Variants in JPH3 observed in about 807,000 individuals in gnomAD.
The protein encoded by JPH3 is junctophilin-3.
A neutral mutation model predicts 59.6 loss-of-function variants in JPH3; 11 were observed. The ratio of observed to expected loss-of-function variants is 0.18; its 90% confidence interval spans 0.12 to 0.31. The LOEUF (loss-of-function observed/expected upper bound fraction) is 0.31. Ranked by LOEUF, JPH3 falls within the 10% of genes least tolerant of loss-of-function variation. JPH3 has a pLI of 1.00. For missense variants in JPH3, 1,202 were observed against 1,105.7 expected (o/e 1.09, Z -1.24); for synonymous variants, 673 against 483.6 (o/e 1.39, Z -5.14).
intron 2 of JPH3, among the ~76,000 whole-genome samples, chr16:87,667,557 G>A (rs1035487115): frequency 6.6e-6 from 1 of 152,164 alleles, no homozygotes; most frequent in East Asian, 1.9e-4. Flanking sequence ...GTGGGTTCAC[G>A]GGCACAGGAC....
chr16:87,647,723 C>T (rs749938585), intron 2 of JPH3, among the ~76,000 whole-genome samples: 8 of 152,220 alleles, frequency 5.3e-5, no homozygotes, highest in Non-Finnish European at 8.8e-5. Flanking sequence ...ACGGCCTCCT[C>T]ACCGCTGTGC....
chr16:87,629,575 G>T (rs1007368098), intron 1 of JPH3, among the ~76,000 whole-genome samples: 3 of 151,606 alleles, frequency 2.0e-5, no homozygotes, highest in Non-Finnish European at 2.9e-5. Context: ...TGCTCAGCGG[G>T]ATAAGCCCGT....
intron 1 of JPH3, among the ~76,000 whole-genome samples, chr16:87,615,825 G>T (rs975560509): frequency 3.3e-5 from 5 of 152,188 alleles, no homozygotes; most frequent in Non-Finnish European, 7.3e-5. Flanking sequence ...GGAGGCGAGT[G>T]GGGGAAGAGA....
chr16:87,678,900 G>C (rs1402545607), intron 2 of JPH3, among the ~76,000 whole-genome samples: 2 of 152,252 alleles, frequency 1.3e-5, no homozygotes, highest in Non-Finnish European at 2.9e-5. Flanking sequence ...GGATGGATGG[G>C]AGGATTTTCT....
At chr16:87,657,012 C>T (rs1226453080) in intron 2 of JPH3, among the ~76,000 whole-genome samples, 1 of 152,152 alleles carries the variant, frequency 6.6e-6, no homozygotes, top group Non-Finnish European at 1.5e-5. Flanking sequence ...CATATGGCCT[C>T]ATTTAACCTT....
At chr16:87,684,063 G>A in intron 2 of JPH3, 79 bp from the exon 3 acceptor site, 1 of 1,033,462 alleles carries the variant, frequency 9.7e-7, no homozygotes, top group Non-Finnish European at 1.5e-6. Context: ...GTTGTTGGGG[G>A]GTTGGCAGAG....
chr16:87,689,855 G>T lies in JPH3; in HGVS notation c.1495G>T (p.Ala499Ser). The change falls in exon 4 of 5, where the codon GCC (alanine) becomes TCC (serine). Residue 499 changes from alanine (A) to serine (S), a missense_variant. Ala to Ser is a moderately conservative substitution (Grantham distance 99, BLOSUM62 1). Transcript: ENST00000284262. ...PPAPAARNKV[A>S]HFSRQVSVDE... ...CGCGCCCGCCGCCAGGAACAAGGTC[G>T]CCCACTTCTCGAGGCAGGTGTCGGT... The T allele has an allele frequency of 6.6e-7, 1 of 1,515,878 alleles. No individual in the cohort carries two copies. Among genetic ancestry groups the T allele is most frequent in the African/African-American group, 1.4e-5 (1 of 72,466 alleles). 93.9% of individuals were successfully genotyped at this position (1,515,878 alleles called of 1,614,324 possible).
At chr16:87,605,103 C>T (rs1004360105) in intron 1 of JPH3, 3 of 343,332 alleles carry the variant, frequency 8.7e-6, no homozygotes, top group South Asian at 4.3e-5. Context: ...GCTGCTATCA[C>T]CCCCAGGCTC....
chr16:87,665,421 C>A (rs571833175), intron 2 of JPH3, among the ~76,000 whole-genome samples: 1 of 152,234 alleles, frequency 6.6e-6, no homozygotes, highest in Non-Finnish European at 1.5e-5. Flanking sequence ...CCCCGGACCC[C>A]GCACTTTGCT....
chr16:87,698,124 ATAAAC>A lies in JPH3; in HGVS notation c.*1469_*1473del, dbSNP rs1374348284. ...TGGATTGCTATATTTTTAACCAGAA[ATAAAC>A]TAAAGATTAGAGCATGTTCCAGTTA... On this transcript the variant is annotated 3_prime_UTR_variant, in exon 5 of 5. Coordinates refer to ENST00000284262, the MANE Select transcript of JPH3 (RefSeq NM_020655.4). 3 of 152,586 alleles carry A rather than the reference ATAAAC, an allele frequency of 2.0e-5. No homozygotes were observed. The highest frequency in any genetic ancestry group is 2.9e-5 in the Non-Finnish European group (2 of 68,040). The allele number at this position is 152,586 out of a possible 1,614,324, so 9.5% of individuals were successfully genotyped here.
intron 1 of JPH3, among the ~76,000 whole-genome samples, chr16:87,625,811 G>C (rs1313697143): frequency 6.6e-6 from 1 of 152,056 alleles, no homozygotes; most frequent in Non-Finnish European, 1.5e-5. Context: ...GGAAGTGCAG[G>C]GACGGGAGAA....
At chr16:87,647,792 C>T (rs921791399) in intron 2 of JPH3, among the ~76,000 whole-genome samples, 1 of 152,220 alleles carries the variant, frequency 6.6e-6, no homozygotes, top group African/African-American at 2.4e-5. Flanking sequence ...ACAGGTGCGC[C>T]TAGGTGGAGG....
chr16:87,663,957 G>A (rs1014932168), intron 2 of JPH3, among the ~76,000 whole-genome samples: 3 of 152,154 alleles, frequency 2.0e-5, no homozygotes, highest in Non-Finnish European at 4.4e-5. Flanking sequence ...GTCGAGTTGT[G>A]GTGGAATCGA....
intron 4 of JPH3, chr16:87,695,738 G>A (rs1235124032): frequency 2.2e-6 from 1 of 456,032 alleles, no homozygotes; most frequent in Non-Finnish European, 4.4e-6. Flanking sequence ...CCCCCTGCCT[G>A]GTGTGAGCAG....
intron 4 of JPH3, among the ~76,000 whole-genome samples, chr16:87,691,153 A>G (rs1050987201): frequency 4.6e-5 from 7 of 151,292 alleles, no homozygotes; most frequent in African/African-American, 1.7e-4. Context: ...CCCCTGGGCT[A>G]GACTCGGCGC....
At position 87,648,759 on chromosome 16, in the gene JPH3, T is replaced by C. The variant is rs537807846; in HGVS notation, c.1160+3724T>C. On this transcript the variant is annotated intron_variant, in intron 2 of 4. Coordinates refer to ENST00000284262, the MANE Select transcript of JPH3 (RefSeq NM_020655.4). Reference sequence around the variant, plus strand: ...CCTCCTCGGCCATGTGACATCATTGTTTGGGATGCGCCCAGTGTTCGGAGC... The same window carrying C: ...CCTCCTCGGCCATGTGACATCATTGCTTGGGATGCGCCCAGTGTTCGGAGC... 7.2e-5 allele frequency among the ~76,000 whole-genome samples: 11 copies of C among 152,250 alleles called. No individual in the cohort carries two copies. The East Asian group carries it at 2.1e-3, about 29-fold the overall frequency.
chr16:87,683,170 G>T (rs373406504), intron 2 of JPH3, among the ~76,000 whole-genome samples: 5 of 152,336 alleles, frequency 3.3e-5, no homozygotes, highest in African/African-American at 1.2e-4. Context: ...AGGTGGTCCC[G>T]CAACCCACAC....
At chr16:87,658,784 C>T (rs1265047915) in intron 2 of JPH3, among the ~76,000 whole-genome samples, 1 of 152,244 alleles carries the variant, frequency 6.6e-6, no homozygotes, top group Non-Finnish European at 1.5e-5. Context: ...CACCTGGGGC[C>T]TGCTGAGAGG....
At chr16:87,665,905 C>T (rs1567606471) in intron 2 of JPH3, among the ~76,000 whole-genome samples, 1 of 152,204 alleles carries the variant, frequency 6.6e-6, no homozygotes, top group Admixed American at 6.5e-5. Context: ...CAGTTCCCAT[C>T]GCTGCCCCCC....
Sources: gnomAD v4.1 joint callset for allele counts (sites outside exome capture counted in the v4.1 genomes callset) on GRCh38, gnomAD v4.1.1 for gene constraint, MANE v1.5 for transcripts, NCBI Gene and HGNC (gene_info 2026-07-23, HGNC 2026-07-21) for gene names.